SGSM2: variants seen among roughly 807,000 people sequenced by gnomAD.
The protein encoded by SGSM2 is RUN and TBC1 domain containing 1.
A neutral mutation model predicts 126.6 loss-of-function variants in SGSM2; 89 were observed. The observed-to-expected ratio is 0.70, with a 90% CI of 0.59 to 0.84. The LOEUF (loss-of-function observed/expected upper bound fraction) is 0.84, where lower values mean the gene tolerates loss of function less well. Among genes scored for constraint, SGSM2 ranks in the 40% least tolerant of loss-of-function variants. The pLI is 0.00. For synonymous variants in SGSM2, 614 were observed against 574.3 expected (o/e 1.07, Z -0.99); for missense variants, 1,404 against 1,416.6 (o/e 0.99, Z 0.14).
intron 13 of SGSM2, chr17:2,371,980 G>A (rs1597382047): frequency 1.7e-6 from 1 of 576,884 alleles, no homozygotes; most frequent in East Asian, 3.0e-5. Flanking sequence ...ATCCCTGGGT[G>A]GTTGGGGGCC....
chr17:2,349,899 T>G (rs2064775775), intron 2 of SGSM2, among the ~76,000 whole-genome samples: 1 of 151,958 alleles, frequency 6.6e-6, no homozygotes, highest in African/African-American at 2.4e-5. Flanking sequence ...ACCATTCTCC[T>G]GCCTCAGCCT....
Position 2,368,748 on chromosome 17 carries a change from C to G in SGSM2, c.1423+1343C>G, listed in dbSNP as rs889158641. On this transcript the variant is annotated intron_variant, in intron 12 of 23. Transcript: ENST00000268989. The stretch of plus-strand genomic sequence containing the variant: ...TCTGATGTTTATTGCCTACACACAC[C>G]CCTGCCATCTGGTTTCTTGCAAACC... Among the ~76,000 whole-genome samples the G allele has an allele frequency of 2.6e-5, 4 of 152,012 alleles. No individual in the cohort carries two copies. The South Asian group carries it at 6.2e-4, about 24-fold the overall frequency.
chr17:2,365,841 G>A (rs2065552483), intron 11 of SGSM2, among the ~76,000 whole-genome samples: 1 of 151,722 alleles, frequency 6.6e-6, no homozygotes. Flanking sequence ...CTGCCCCTGG[G>A]TTCAAGCGAT....
chr17:2,361,892 C>A, intron 3 of SGSM2, 93 bp downstream of exon 3: 2 of 1,469,480 alleles, frequency 1.4e-6, no homozygotes, highest in East Asian at 2.3e-5. Flanking sequence ...AGTTGGCATC[C>A]TGGGCCTGTT....
At chr17:2,370,966 C>T (rs140083208) in intron 12 of SGSM2, among the ~76,000 whole-genome samples, 40 of 152,330 alleles carry the variant, frequency 2.6e-4, no homozygotes, top group African/African-American at 8.9e-4. Context: ...CAAGTGCTTG[C>T]TGGTCGCAGG....
Position 2,380,209 on chromosome 17 carries a change from CT to C in SGSM2, c.*690del, listed in dbSNP as rs778599541. On this transcript the variant is annotated 3_prime_UTR_variant, in exon 24 of 24. Transcript: ENST00000268989. ...GCCTCCCCGGCCTTGTACAGTGTAC[CT>C]CTGTGTATCTGTACAGCCTCGCTCC... The C allele has an allele frequency of 1.2e-3, 1,889 of 1,535,178 alleles. No homozygotes were observed. Among genetic ancestry groups the C allele is most frequent in the Non-Finnish European group, 1.5e-3 (1,755 of 1,146,364 alleles).
chr17:2,344,942 CAAAG>C (rs2064529876), intron 2 of SGSM2, among the ~76,000 whole-genome samples: 1 of 152,174 alleles, frequency 6.6e-6, no homozygotes, highest in African/African-American at 2.4e-5. Context: ...TGTAAGCACT[CAAAG>C]AATATTCGTC....
intron 23 of SGSM2, 102 bp from the exon 24 acceptor site, chr17:2,379,330 G>A (rs745801451): frequency 1.9e-5 from 29 of 1,564,778 alleles, no homozygotes; most frequent in African/African-American, 2.7e-5. Context: ...GGGATGTCAA[G>A]AATCTAGCAG....
At chr17:2,376,544 C>CG (rs1398532609) in intron 19 of SGSM2, 189 bp from the exon 20 acceptor site, 3 of 714,032 alleles carry the variant, frequency 4.2e-6, no homozygotes, top group Non-Finnish European at 7.0e-6. Context: ...CTCCCTAAGT[C>CG]GGAGTGCCTT....
Position 2,379,562 on chromosome 17 carries a change from G to T in SGSM2, c.*42G>T. The T allele has an allele frequency of 6.3e-7, 1 of 1,591,388 alleles. No homozygotes were observed. The highest frequency in any genetic ancestry group is 1.1e-5 in the South Asian group (1 of 89,702). On this transcript the variant is annotated 3_prime_UTR_variant, in exon 24 of 24. Transcript: ENST00000268989. Reference sequence around the variant, plus strand: ...AGCAGCCGTGCAGAGCCTGGGCTCCGGCAGGGAGAGGTGCAGGGGAGTCAC... The same window carrying T: ...AGCAGCCGTGCAGAGCCTGGGCTCCTGCAGGGAGAGGTGCAGGGGAGTCAC...
chr17:2,367,428 G>C lies in SGSM2; in HGVS notation c.1423+23G>C, dbSNP rs1436269222. The stretch of plus-strand genomic sequence containing the variant: ...AAGGTTCTTATCCCTCCCTCTCCCT[G>C]ACCCACCTCATCCCCACCCTCCCTC... On this transcript the variant is annotated intron_variant, in intron 12 of 23. Coordinates refer to ENST00000268989, the MANE Select transcript of SGSM2 (RefSeq NM_014853.3). The surrounding 1 kb of genome is among the most constrained non-coding windows in gnomAD (Gnocchi z 4.0). 1.2e-6 allele frequency: 2 copies of C among 1,605,800 alleles called. No individual in the cohort carries two copies. Among genetic ancestry groups the C allele is most frequent in the Admixed American group, 3.3e-5 (2 of 59,772 alleles).
At position 2,363,022 on chromosome 17, in the gene SGSM2, A is replaced by T. The variant is rs1158868313; in HGVS notation, c.560A>T (p.Lys187Met). 1 of 1,614,026 alleles carries T rather than the reference A, an allele frequency of 6.2e-7. No homozygotes were observed. The highest frequency in any genetic ancestry group is 8.5e-7 in the Non-Finnish European group (1 of 1,180,046). ...TGTGCCTTGGAATACACTAAGCTCA[A>T]GACAGCCGATCACTACTGGACTGAC... ...GPCALEYTKL[K>M]TADHYWTDPS... is the part of the protein sequence containing the mutation. The change falls in exon 6 of 24, where the codon AAG becomes ATG. Residue 187 changes from lysine (K) to methionine (M), a missense_variant. Transcript: ENST00000268989. This position sits in a 1 kb window ranked among gnomAD's most constrained non-coding sequence, Gnocchi z 4.2.
rs114313352 is a variant in SGSM2, at chr17:2,346,678, G to A, written c.133+3058G>A. On this transcript the variant is annotated intron_variant, in intron 2 of 23. Transcript: ENST00000268989. ...GTTTTCGCTGGCAAACCAGTCTGGC[G>A]GCAGCAGGGGGGTGGGTGGGGTTCT... Among the ~76,000 whole-genome samples, 423 of 152,212 alleles carry A rather than the reference G, an allele frequency of 2.8e-3. 4 individuals are homozygous for A. Among genetic ancestry groups the A allele is most frequent in the African/African-American group, 9.5e-3 (396 of 41,538 alleles).
rs756075831 is a variant in SGSM2, at chr17:2,343,658, A to G, written c.133+38A>G. 10 of 1,590,188 alleles carry G rather than the reference A, an allele frequency of 6.3e-6. 1 individual carries two copies. Among genetic ancestry groups the G allele is most frequent in the Non-Finnish European group, 8.6e-6 (10 of 1,158,874 alleles). On this transcript the variant is annotated intron_variant, in intron 2 of 23. Transcript: ENST00000268989. ...CTGAAGGATGATGGGAGGTCGGTCT[A>G]GAGCCGAGGACACTGGCCTGGGGCC...
At position 2,376,807 on chromosome 17, in the gene SGSM2, T is replaced by C; in HGVS notation, c.2684T>C (p.Leu895Pro). ...CTGCTGGCGCCTCTCCTGGTCACCC[T>C]CGACAATGGTGAGGGATGGCGGGAC... ...CDLLAPLLVT[L>P]DNDQLAYSCF... Residue 895 changes from leucine to proline, a missense_variant, in exon 20 of 24, where the codon CTC becomes CCC. By Grantham distance (98) the Leu-to-Pro change is moderately conservative (BLOSUM62 -3). Coordinates refer to ENST00000268989, the MANE Select transcript of SGSM2 (RefSeq NM_014853.3). 2 of 1,614,072 alleles carry C rather than the reference T, an allele frequency of 1.2e-6. No individual in the cohort carries two copies. The highest frequency in any genetic ancestry group is 1.7e-6 in the Non-Finnish European group (2 of 1,180,010).
Position 2,380,682 on chromosome 17 carries a change from C to G in SGSM2, c.*1162C>G. ...ATCCCCACTTCCTCCTCTACCCCAA[C>G]ACATGCAGGCTAGGCCTTGCCCTGG... On this transcript the variant is annotated 3_prime_UTR_variant, in exon 24 of 24. Transcript: ENST00000268989. 1 of 330,428 alleles carries G rather than the reference C, an allele frequency of 3.0e-6. No individual in the cohort carries two copies. The highest frequency in any genetic ancestry group is 5.8e-6 in the Non-Finnish European group (1 of 173,166). The allele number at this position is 330,428 out of a possible 1,614,324, so 20.5% of individuals were successfully genotyped here. A position where few individuals can be genotyped will look rare whatever the true frequency, so the allele number is the denominator to read the frequency against.
intron 2 of SGSM2, among the ~76,000 whole-genome samples, chr17:2,351,510 A>C (rs993933855): frequency 7.9e-5 from 12 of 152,146 alleles, no homozygotes; most frequent in Admixed American, 7.2e-4. Flanking sequence ...TGTCCACTGC[A>C]TGAGAGGCTG....
chr17:2,377,146 T>A, intron 21 of SGSM2, 78 bp downstream of exon 21: 2 of 825,222 alleles, frequency 2.4e-6, no homozygotes, highest in South Asian at 3.3e-5. Context: ...TAGGGAGCAT[T>A]CCACAAACAT....
intron 21 of SGSM2, 85 bp from the exon 22 acceptor site, chr17:2,377,772 C>T: frequency 1.2e-6 from 1 of 867,162 alleles, no homozygotes; most frequent in Non-Finnish European, 1.9e-6. Context: ...CGCCTGCATC[C>T]CTGGGCGTGA....
Sources: gnomAD v4.1 joint callset for allele counts (sites outside exome capture counted in the v4.1 genomes callset) on GRCh38, gnomAD v4.1.1 for gene constraint, Gnocchi (gnomAD v3.1) non-coding constraint, MANE v1.5 for transcripts, NCBI Gene and HGNC (gene_info 2026-07-23, HGNC 2026-07-21) for gene names.